RANGAP1: variants seen among roughly 807,000 people sequenced by gnomAD.
RANGAP1 encodes the protein Ran GTPase activating protein 1.
Under a neutral mutation model 63.5 loss-of-function variants are expected in RANGAP1, and 38 were observed. That is an observed-to-expected ratio of 0.60 (90% confidence interval 0.46 to 0.78). The LOEUF is 0.78. Ranked by LOEUF, RANGAP1 falls within the 30% of genes least tolerant of loss-of-function variation. The pLI is 0.00. For synonymous variants in RANGAP1, 329 were observed against 310.5 expected, an observed-to-expected ratio of 1.06 and a Z score of -0.63; for missense variants, 630 against 740.3, an observed-to-expected ratio of 0.85 and a Z score of 1.73.
intron 11 of RANGAP1, among the ~76,000 whole-genome samples, chr22:41,253,329 T>G (rs772206333): frequency 5.3e-5 from 8 of 152,144 alleles, no homozygotes; most frequent in Non-Finnish European, 7.4e-5. Flanking sequence ...TGGGTCCCCG[T>G]AGAACTACAG....
intron 2 of RANGAP1, among the ~76,000 whole-genome samples, chr22:41,275,764 G>C (rs2035099824): frequency 6.6e-6 from 1 of 150,468 alleles, no homozygotes; most frequent in South Asian, 2.1e-4. Flanking sequence ...GGGCGACACA[G>C]TGAGACTCTG....
At chr22:41,278,188 AC>A (rs2035270184) in intron 2 of RANGAP1, among the ~76,000 whole-genome samples, 1 of 151,946 alleles carries the variant, frequency 6.6e-6, no homozygotes, top group South Asian at 2.1e-4. Context: ...ACAGGTGTCC[AC>A]CACCACGCCC....
rs567605253 is a variant in RANGAP1 at position 41,256,808 on chromosome 22, C to T, written c.791G>A (p.Arg264Gln). The change falls in exon 8 of 16, where the codon CGG becomes CAG. Residue 264 changes from arginine (R) to glutamine (Q), a missense_variant. Physicochemically the swap from Arg to Gln is conservative, Grantham distance 43. Coordinates refer to ENST00000356244, the MANE Select transcript of RANGAP1 (RefSeq NM_002883.4). ...VAMAETLKTL[R>Q]QVEVINFGDC... The stretch of plus-strand genomic sequence containing the variant: ...CCCAAAATTAATCACCTCCACCTGC[C>T]GCAAGGTCTTCAAGGTCTGTGAGGG... 9 of 1,614,054 alleles carry T rather than the reference C, an allele frequency of 5.6e-6. No homozygotes were observed. Among genetic ancestry groups the T allele is most frequent in the African/African-American group, 4.0e-5 (3 of 75,038 alleles).
At chr22:41,281,326 G>T in intron 1 of RANGAP1, 2 of 815,926 alleles carry the variant, frequency 2.5e-6, no homozygotes, top group Non-Finnish European at 3.1e-6. Context: ...CTCATTACAA[G>T]TCCTCCTCTG....
At chr22:41,264,944 G>C (rs534078320) in intron 4 of RANGAP1, 101 bp from the exon 5 acceptor site, 29 of 1,239,894 alleles carry the variant, frequency 2.3e-5, no homozygotes, top group Middle Eastern at 2.1e-4. Context: ...AGGACACCCC[G>C]GCTGGTGCAG....
At chr22:41,274,513 A>T in intron 3 of RANGAP1, 87 bp downstream of exon 3, 1 of 1,560,532 alleles carries the variant, frequency 6.4e-7, no homozygotes, top group Admixed American at 1.8e-5. Flanking sequence ...AGGGGCCTGG[A>T]AGAGACTGGA....
Position 41,252,950 on chromosome 22 carries a change from G to A in RANGAP1, c.1302C>T (p.Val434=). ...PVLSSPPPAD[V]STFLAFPSPE... ...GAGAGGGAAAAGCCAGGAAGGTGGA[G>A]ACGTCTGCAGGAGGTGGGGAGGACA... The change falls in exon 12 of 16, where the codon GTC becomes GTT. Residue 434 remains valine (V), a synonymous_variant. Coordinates refer to ENST00000356244, the MANE Select transcript of RANGAP1 (RefSeq NM_002883.4). 1 of 1,547,756 alleles carries A rather than the reference G, an allele frequency of 6.5e-7. No homozygotes were observed. Among genetic ancestry groups the A allele is most frequent in the Non-Finnish European group, 8.7e-7 (1 of 1,149,848 alleles).
chr22:41,261,403 G>A (rs1461664105), intron 6 of RANGAP1, 43 bp downstream of exon 6: 5 of 1,612,626 alleles, frequency 3.1e-6, no homozygotes, highest in Non-Finnish European at 4.2e-6. Flanking sequence ...TATGCCGAGT[G>A]CACCTCAAGG....
chr22:41,266,497 G>A (rs1397809958), intron 4 of RANGAP1, among the ~76,000 whole-genome samples: 1 of 152,186 alleles, frequency 6.6e-6, no homozygotes, highest in African/African-American at 2.4e-5. Flanking sequence ...CAGTGAGTAT[G>A]CAAAAGAGAG....
intron 7 of RANGAP1, 57 bp from the exon 8 acceptor site, chr22:41,256,881 G>T: frequency 6.9e-7 from 1 of 1,448,122 alleles, no homozygotes; most frequent in Non-Finnish European, 9.6e-7. Context: ...CCAGCCCTCA[G>T]CAAGCCCCGG....
chr22:41,299,846 G>C, the RANGAP1 span, among the ~76,000 whole-genome samples: 2 of 151,854 alleles, frequency 1.3e-5, no homozygotes, highest in Non-Finnish European at 2.9e-5. Context: ...ACGCCTCCCG[G>C]ATTCACGCCA....
chr22:41,248,457 G>T (rs984356059), intron 15 of RANGAP1, among the ~76,000 whole-genome samples: 6 of 152,206 alleles, frequency 3.9e-5, no homozygotes, highest in African/African-American at 1.4e-4. Flanking sequence ...CTCACGCTCC[G>T]CCAGCCCCGC....
the RANGAP1 span, among the ~76,000 whole-genome samples, chr22:41,291,653 C>CT: frequency 4.0e-5 from 6 of 148,554 alleles, no homozygotes; most frequent in African/African-American, 1.2e-4. Flanking sequence ...AATCCCAGCA[C>CT]TTTGGGGGGC....
At chr22:41,271,913 T>C (rs2034858870) in intron 3 of RANGAP1, among the ~76,000 whole-genome samples, 1 of 152,198 alleles carries the variant, frequency 6.6e-6, no homozygotes, top group Non-Finnish European at 1.5e-5. Flanking sequence ...GGCTGCTTCC[T>C]GCACAGAGGA....
At chr22:41,290,682 C>T (rs1268355774), upstream of RANGAP1, among the ~76,000 whole-genome samples, 1 of 152,208 alleles carries the variant, frequency 6.6e-6, no homozygotes, top group Non-Finnish European at 1.5e-5. Flanking sequence ...CAAAAGCAGG[C>T]TGCCTCTGAT....
At chr22:41,250,885 G>A in intron 13 of RANGAP1, 122 bp downstream of exon 13, 1 of 742,262 alleles carries the variant, frequency 1.3e-6, no homozygotes, top group Non-Finnish European at 2.3e-6. Flanking sequence ...AAACTCAGGT[G>A]GCCAAAGAGC....
In RANGAP1 at chr22:41,280,967, T is replaced by C; in HGVS notation, c.78A>G (p.Lys26=). 1 of 1,614,022 alleles carries C rather than the reference T, an allele frequency of 6.2e-7. No individual in the cohort carries two copies. Among genetic ancestry groups the C allele is most frequent in the African/African-American group, 1.3e-5 (1 of 75,070 alleles). The part of the protein sequence containing the change: ...TQVAGGQLSF[K]GKSLKLNTAE... ...CAGTGTTGAGTTTGAGGCTCTTGCC[T>C]TTGAAACTCAGCTGTCCCCCGGCCA... Residue 26 remains lysine, a synonymous_variant, in exon 2 of 16, where the codon AAA becomes AAG. Coordinates refer to ENST00000356244, the MANE Select transcript of RANGAP1 (RefSeq NM_002883.4).
In RANGAP1 at chr22:41,261,581, C is replaced by G. The variant is rs1203908800; in HGVS notation, c.481-1G>C. On this transcript the variant is annotated splice_acceptor_variant, in intron 5 of 15. Transcript: ENST00000356244. LOFTEE classifies it high-confidence loss of function. ...ATTCGGTCAGAGCTGCAGCCAGGAT[C>G]TGTGGGGAAAGGCAAGGGGCCCTGG... 1 of 1,614,200 alleles carries G rather than the reference C, an allele frequency of 6.2e-7. No individual in the cohort carries two copies. The highest frequency in any genetic ancestry group is 1.1e-5 in the South Asian group (1 of 91,088).
chr22:41,283,215 G>GA (rs2035584655), intron 1 of RANGAP1, among the ~76,000 whole-genome samples: 1 of 67,752 alleles, frequency 1.5e-5, no homozygotes, highest in Non-Finnish European at 3.4e-5. Context: ...AAAAAAAAAA[G>GA]GGGGGGGTTG....
Sources: gnomAD v4.1 joint callset for allele counts (sites outside exome capture counted in the v4.1 genomes callset) on GRCh38, gnomAD v4.1.1 for gene constraint, MANE v1.5 for transcripts, NCBI Gene and HGNC (gene_info 2026-07-23, HGNC 2026-07-21) for gene names.